The following DOCK8 variants were observed in gnomAD, a reference collection of about 807,000 sequenced individuals.
The protein encoded by DOCK8 is dedicator of cytokinesis protein 8.
Under a neutral mutation model 245.6 loss-of-function variants are expected in DOCK8, and 141 were observed. The ratio of observed to expected loss-of-function variants is 0.57; its 90% CI spans 0.50 to 0.66. DOCK8 has a LOEUF of 0.66. Ranked by LOEUF, DOCK8 falls within the 30% of genes least tolerant of loss-of-function variation. The pLI is 0.00. For synonymous variants in DOCK8, 1,168 were observed against 970.2 expected (o/e 1.20, Z -3.79); for missense variants, 2,965 against 2,603.4 (o/e 1.14, Z -3.02).
intron 4 of DOCK8, among the ~76,000 whole-genome samples, chr9:302,789 A>G (rs2049614904): frequency 6.6e-6 from 1 of 152,138 alleles, no homozygotes. Flanking sequence ...AATCAAAACC[A>G]CAGTGTGATA....
At chr9:419,690 G>A (rs1432514251) in intron 30 of DOCK8, among the ~76,000 whole-genome samples, 1 of 152,106 alleles carries the variant, frequency 6.6e-6, no homozygotes, top group Non-Finnish European at 1.5e-5. Context: ...TGAACCAAGG[G>A]TGCAGCCTCA....
chr9:335,367 A>G (rs1301250760), intron 11 of DOCK8, among the ~76,000 whole-genome samples: 2 of 152,178 alleles, frequency 1.3e-5, no homozygotes, highest in Non-Finnish European at 2.9e-5. Context: ...TCCACCAAAT[A>G]TAGAAGTCCA....
intron 26 of DOCK8, among the ~76,000 whole-genome samples, chr9:403,188 C>T (rs1298959497): frequency 6.6e-6 from 1 of 152,216 alleles, no homozygotes; most frequent in Non-Finnish European, 1.5e-5. Context: ...CACACCCAGC[C>T]TGAAATGTCT....
At chr9:403,238 A>G (rs905375254) in intron 26 of DOCK8, among the ~76,000 whole-genome samples, 1 of 152,202 alleles carries the variant, frequency 6.6e-6, no homozygotes, top group Non-Finnish European at 1.5e-5. Flanking sequence ...AAAGATACCC[A>G]TAGTGGGGCC....
chr9:399,298 T>A (rs1384376581), intron 26 of DOCK8, 39 bp downstream of exon 26: 2 of 1,236,802 alleles, frequency 1.6e-6, no homozygotes, highest in Non-Finnish European at 2.2e-6. Flanking sequence ...AGCGAGCCAC[T>A]TGGTTCCTTC....
chr9:376,812 A>T (rs1040425376), intron 19 of DOCK8, among the ~76,000 whole-genome samples, 165 bp from the exon 20 acceptor site: 2 of 152,232 alleles, frequency 1.3e-5, no homozygotes, highest in African/African-American at 4.8e-5. Flanking sequence ...CACATTCTAC[A>T]AAGAAGTTCA....
intron 33 of DOCK8, among the ~76,000 whole-genome samples, chr9:425,307 T>C (rs532833375): frequency 2.0e-4 from 31 of 152,112 alleles, no homozygotes; most frequent in Middle Eastern, 3.4e-3. Context: ...CCGAGGTAAG[T>C]GGATCACGAG....
intron 1 of DOCK8, among the ~76,000 whole-genome samples, chr9:224,631 A>G (rs1420151169): frequency 6.6e-6 from 1 of 152,192 alleles, no homozygotes; most frequent in Non-Finnish European, 1.5e-5. Context: ...CTTCTTTGGC[A>G]GACCTTTTTG....
At chr9:221,563 G>T (rs981647395) in intron 1 of DOCK8, among the ~76,000 whole-genome samples, 1 of 151,642 alleles carries the variant, frequency 6.6e-6, no homozygotes, top group Non-Finnish European at 1.5e-5. Context: ...TGTAATCCCA[G>T]CACTTTTGGA....
chr9:421,581 G>A (rs1291616300), intron 32 of DOCK8, among the ~76,000 whole-genome samples: 1 of 152,150 alleles, frequency 6.6e-6, no homozygotes, highest in East Asian at 1.9e-4. Flanking sequence ...TCTCAAAAAG[G>A]CTGAGCTTGA....
intron 4 of DOCK8, among the ~76,000 whole-genome samples, chr9:303,660 G>T (rs117379887): frequency 6.6e-6 from 1 of 152,320 alleles, no homozygotes; most frequent in Non-Finnish European, 1.5e-5. Flanking sequence ...ATGGAAGCAG[G>T]TGTGGGTTGA....
rs2057373104 is a variant in DOCK8, at chr9:449,800, T to G, written c.5834T>G (p.Ile1945Ser). The change falls in exon 45 of 48, where the codon ATT becomes AGT. Residue 1945 changes from isoleucine (I) to serine (S), a missense_variant. Transcript: ENST00000432829. ...IQKEEFVLTPIEVAIEDMKKK... is the reference protein window; with the variant it reads ...IQKEEFVLTPSEVAIEDMKKK... Reference sequence around the variant, plus strand: ...CATGTTCAGTTTGTTTTGACACCGATTGAAGTTGCCATTGAAGACATGAAG... The same window carrying G: ...CATGTTCAGTTTGTTTTGACACCGAGTGAAGTTGCCATTGAAGACATGAAG... The G allele has an allele frequency of 1.9e-6, 3 of 1,612,886 alleles. No homozygotes were observed. The Admixed American group carries it at 5.0e-5, about 27-fold the overall frequency.
intron 24 of DOCK8, among the ~76,000 whole-genome samples, chr9:391,224 C>G (rs1367850867): frequency 6.6e-6 from 1 of 152,180 alleles, no homozygotes; most frequent in Non-Finnish European, 1.5e-5. Context: ...GGAACCATCC[C>G]CAAGAGGCCT....
chr9:407,753 C>T (rs991869054), intron 28 of DOCK8, among the ~76,000 whole-genome samples: 2 of 152,182 alleles, frequency 1.3e-5, no homozygotes, highest in Admixed American at 1.3e-4. Flanking sequence ...ATTATTCATT[C>T]CGTTCAACAA....
intron 36 of DOCK8, among the ~76,000 whole-genome samples, chr9:431,903 C>T (rs1388231674): frequency 6.6e-6 from 1 of 152,152 alleles, no homozygotes; most frequent in Non-Finnish European, 1.5e-5. Context: ...CAGCTTGCAG[C>T]ACAAAGGCAG....
intron 2 of DOCK8, among the ~76,000 whole-genome samples, chr9:277,954 T>G (rs2130100147): frequency 6.6e-6 from 1 of 152,388 alleles, no homozygotes; most frequent in East Asian, 1.9e-4. Context: ...GTTAATTGCC[T>G]GATAAATATG....
intron 14 of DOCK8, among the ~76,000 whole-genome samples, chr9:343,607 T>C (rs1381002662): frequency 6.6e-6 from 1 of 152,228 alleles, no homozygotes; most frequent in Non-Finnish European, 1.5e-5. Flanking sequence ...CCCCATTTAA[T>C]CCTTCCTGGA....
chr9:211,404 A>G (rs1430247525), upstream of DOCK8, among the ~76,000 whole-genome samples: 1 of 152,182 alleles, frequency 6.6e-6, no homozygotes, highest in African/African-American at 2.4e-5. Context: ...GGAAGTCACC[A>G]AAGCTAAATG....
At chr9:412,211 C>T (rs1350453997) in intron 28 of DOCK8, among the ~76,000 whole-genome samples, 1 of 152,174 alleles carries the variant, frequency 6.6e-6, no homozygotes, top group Non-Finnish European at 1.5e-5. Context: ...TGAGAACACC[C>T]TGAGCAACAT....
Sources: gnomAD v4.1 joint callset for allele counts (sites outside exome capture counted in the v4.1 genomes callset) on GRCh38, gnomAD v4.1.1 for gene constraint, MANE v1.5 for transcripts, NCBI Gene and HGNC (gene_info 2026-07-23, HGNC 2026-07-21) for gene names.